RNF214: variants seen among roughly 807,000 people sequenced by gnomAD.
The protein encoded by RNF214 is ring finger protein 214.
A neutral mutation model predicts 75.9 loss-of-function variants in RNF214; 25 were observed. The ratio of observed to expected loss-of-function variants is 0.33; its 90% CI spans 0.24 to 0.46. The LOEUF (loss-of-function observed/expected upper bound fraction) is 0.46. Among genes scored for constraint, RNF214 ranks in the 20% least tolerant of loss-of-function variants. The probability of loss-of-function intolerance (pLI) is 1.00; values close to 1 mark genes in which losing one functional copy is unlikely to be tolerated. For synonymous variants in RNF214, 314 were observed against 308.8 expected, an observed-to-expected ratio of 1.02 and a Z score of -0.18; for missense variants, 725 against 857.5, an observed-to-expected ratio of 0.85 and a Z score of 1.93.
chr11:117,238,332 G>T (rs2032968280), intron 2 of RNF214, among the ~76,000 whole-genome samples: 1 of 152,208 alleles, frequency 6.6e-6, no homozygotes, highest in Non-Finnish European at 1.5e-5. Context: ...TTGAGCCAAG[G>T]ATGTTGAGAC....
At chr11:117,266,024 A>C (rs2033788830) in intron 6 of RNF214, among the ~76,000 whole-genome samples, 1 of 152,176 alleles carries the variant, frequency 6.6e-6, no homozygotes, top group African/African-American at 2.4e-5. Context: ...TTCATCCATG[A>C]GGTGGTAGAT....
intron 6 of RNF214, among the ~76,000 whole-genome samples, chr11:117,248,042 A>G (rs890654867): frequency 1.3e-5 from 2 of 152,154 alleles, no homozygotes; most frequent in Admixed American, 6.6e-5. Context: ...CAAAGTGGGC[A>G]TAGAATTTGG....
chr11:117,271,262 A>G (rs1159312017), intron 6 of RNF214, among the ~76,000 whole-genome samples: 1 of 152,194 alleles, frequency 6.6e-6, no homozygotes, highest in African/African-American at 2.4e-5. Flanking sequence ...AACAAGGCCA[A>G]GAAGACAGCT....
chr11:117,259,056 G>A (rs549040573), intron 6 of RNF214, among the ~76,000 whole-genome samples: 34 of 152,200 alleles, frequency 2.2e-4, no homozygotes, highest in Non-Finnish European at 4.9e-4. Flanking sequence ...TGCCGGGTTT[G>A]AGCAATTTTT....
chr11:117,283,797 C>T (rs990525537), intron 14 of RNF214, among the ~76,000 whole-genome samples: 1 of 151,984 alleles, frequency 6.6e-6, no homozygotes, highest in African/African-American at 2.4e-5. Context: ...AGATTACAGG[C>T]ACATGCCATC....
intron 6 of RNF214, among the ~76,000 whole-genome samples, chr11:117,269,121 A>G (rs916714266): frequency 6.6e-6 from 1 of 152,106 alleles, no homozygotes; most frequent in Non-Finnish European, 1.5e-5. Flanking sequence ...AATGAGCCCA[A>G]ATGCTGGGTG....
At chr11:117,239,137 A>T in intron 3 of RNF214, 26 bp downstream of exon 3, 2 of 1,566,644 alleles carry the variant, frequency 1.3e-6, no homozygotes, top group Non-Finnish European at 1.7e-6. Flanking sequence ...TCTACTACTA[A>T]AATGTAATTG....
At chr11:117,234,132 A>G in intron 1 of RNF214, 135 bp from the exon 2 acceptor site, 1 of 663,208 alleles carries the variant, frequency 1.5e-6, no homozygotes, top group South Asian at 1.9e-5. Context: ...ACTCTTAAGT[A>G]TTTTCTCCCG....
At chr11:117,275,969 A>G (rs1348824311) in intron 6 of RNF214, among the ~76,000 whole-genome samples, 1 of 152,224 alleles carries the variant, frequency 6.6e-6, no homozygotes, top group Non-Finnish European at 1.5e-5. Flanking sequence ...CCTGATGAAC[A>G]TAGATGCAAA....
At chr11:117,244,400 G>C in intron 4 of RNF214, 45 bp from the exon 5 acceptor site, 21 of 1,553,526 alleles carry the variant, frequency 1.4e-5, no homozygotes, top group Non-Finnish European at 1.9e-5. Context: ...AATGTTTCTT[G>C]TGATTAAATT....
chr11:117,239,345 T>C (rs2033006679), intron 3 of RNF214: 1 of 554,670 alleles, frequency 1.8e-6, no homozygotes, highest in Admixed American at 3.4e-5. Flanking sequence ...AGGAACTTTA[T>C]GACCTACGTG....
rs1322411398 is a variant in RNF214 at position 117,276,197 on chromosome 11, A to G, written c.960-3711A>G. ...AAATCCTGTATCCCTTTGTGGTAAA[A>G]AAAACCCTCAACAAATTAGGCACAG... On this transcript the variant is annotated intron_variant, in intron 6 of 14. Coordinates refer to ENST00000300650, the MANE Select transcript of RNF214 (RefSeq NM_207343.4). 2.6e-5 allele frequency among the ~76,000 whole-genome samples: 4 copies of G among 152,198 alleles called. No homozygotes were observed. The East Asian group carries it at 7.7e-4, about 29-fold the overall frequency.
At chr11:117,241,364 G>A (rs561161381) in intron 4 of RNF214, among the ~76,000 whole-genome samples, 2 of 151,918 alleles carry the variant, frequency 1.3e-5, no homozygotes, top group East Asian at 1.9e-4. Context: ...GGTAGATCAC[G>A]AGGTCAAGAG....
At chr11:117,257,907 G>A (rs2033561045) in intron 6 of RNF214, among the ~76,000 whole-genome samples, 1 of 152,084 alleles carries the variant, frequency 6.6e-6, no homozygotes, top group Admixed American at 6.6e-5. Flanking sequence ...TAAATTACTG[G>A]ATTTACTTCT....
chr11:117,255,851 T>A (rs1591827273), intron 6 of RNF214, among the ~76,000 whole-genome samples: 1 of 152,224 alleles, frequency 6.6e-6, no homozygotes, highest in Non-Finnish European at 1.5e-5. Flanking sequence ...AATTCACTGC[T>A]ACCATTGAAA....
intron 4 of RNF214, among the ~76,000 whole-genome samples, chr11:117,240,847 G>A (rs1234516556): frequency 3.9e-5 from 6 of 151,948 alleles, no homozygotes; most frequent in Admixed American, 3.9e-4. Context: ...TTTGAGACCA[G>A]CCTGACTAAC....
chr11:117,267,550 A>C (rs2033821811), intron 6 of RNF214, among the ~76,000 whole-genome samples: 1 of 151,854 alleles, frequency 6.6e-6, no homozygotes, highest in African/African-American at 2.4e-5. Flanking sequence ...CCGTCTCTAC[A>C]AAAAATACAA....
rs1157162282 is a variant in RNF214, at chr11:117,244,564, A to C, written c.798A>C (p.Glu266Asp). Residue 266 changes from glutamate to aspartate, a missense_variant, in exon 5 of 15, where the codon GAA (glutamate) becomes GAC (aspartate). Transcript: ENST00000300650. The stretch of plus-strand genomic sequence containing the variant: ...TAAAGCAGCTTCAGCAAAGGAGAGA[A>C]GAGGAAATGAAGAATCACCAGGTAT... ...VQLKQLQQRR[E>D]EEMKNHQEIL... 2 of 1,610,466 alleles carry C rather than the reference A, an allele frequency of 1.2e-6. No individual in the cohort carries two copies. Among genetic ancestry groups the C allele is most frequent in the Non-Finnish European group, 1.7e-6 (2 of 1,178,660 alleles).
chr11:117,247,877 C>CA (rs945174991), intron 6 of RNF214, among the ~76,000 whole-genome samples: 12 of 142,826 alleles, frequency 8.4e-5, no homozygotes, highest in South Asian at 2.3e-4. Flanking sequence ...AAAAACAAAA[C>CA]AAAAAAAAAC....
Sources: allele counts gnomAD v4.1 joint callset (sites outside exome capture counted in the v4.1 genomes callset), GRCh38; gene constraint gnomAD v4.1.1; transcripts MANE v1.5; gene names NCBI Gene and HGNC (gene_info 2026-07-23, HGNC 2026-07-21).